Variants in ANO4 observed in about 807,000 individuals in gnomAD.
The protein encoded by ANO4 is anoctamin-4.
In ANO4, 69 loss-of-function variants were observed where a neutral mutation model predicts 141.9. The ratio of observed to expected loss-of-function variants is 0.49; its 90% CI spans 0.40 to 0.59. The LOEUF is 0.59. Ranked by LOEUF, ANO4 falls within the 20% of genes least tolerant of loss-of-function variation. The pLI is 0.00. For missense variants in ANO4, 894 were observed against 1,162.2 expected (o/e 0.77, Z 3.36); for synonymous variants, 350 against 394.3 (o/e 0.89, Z 1.33).
intron 1 of ANO4, among the ~76,000 whole-genome samples, chr12:100,812,693 A>T (rs60189458): frequency 0.016 from 2,416 of 152,292 alleles, 65 homozygotes; most frequent in African/African-American, 0.054. Flanking sequence ...GGGGGTAAAG[A>T]TAAACCATTT....
rs35462149 is a variant in ANO4 at position 100,801,093 on chromosome 12, G to GTCTCTCTCTCTCTC, written c.-141+6085_-141+6098dup. Among the ~76,000 whole-genome samples, 401 of 147,238 alleles carry GTCTCTCTCTCTCTC rather than the reference G, an allele frequency of 2.7e-3. 2 individuals carry two copies. The highest frequency in any genetic ancestry group is 9.7e-3 in the African/African-American group (386 of 39,764). ...GACCTTACAGACTGTTTGTCTACTT[G>GTCTCTCTCTCTCTC]TCTCTCTCTCTCTCTCTCTCTCTCT... On this transcript the variant is annotated intron_variant, in intron 1 of 27. Coordinates refer to ENST00000392977, the MANE Select transcript of ANO4 (RefSeq NM_001286615.2).
chr12:100,979,879 C>T (rs1207829935), intron 7 of ANO4, among the ~76,000 whole-genome samples: 18 of 151,078 alleles, frequency 1.2e-4, no homozygotes, highest in African/African-American at 4.4e-4. Flanking sequence ...AGGCGCCCAC[C>T]ACCACGCCCA....
chr12:100,853,251 C>T (rs1007837172), intron 1 of ANO4, among the ~76,000 whole-genome samples: 3 of 152,116 alleles, frequency 2.0e-5, no homozygotes, highest in Non-Finnish European at 4.4e-5. Context: ...CTTGCCTTTT[C>T]AAAGCTCTCT....
At chr12:101,026,267 A>G (rs2046731033) in intron 9 of ANO4, among the ~76,000 whole-genome samples, 1 of 152,240 alleles carries the variant, frequency 6.6e-6, no homozygotes, top group Non-Finnish European at 1.5e-5. Flanking sequence ...AAACCAAATC[A>G]CTTATAATTA....
chr12:100,882,829 A>G (rs1438043061), intron 1 of ANO4, among the ~76,000 whole-genome samples: 1 of 151,890 alleles, frequency 6.6e-6, no homozygotes, highest in African/African-American at 2.4e-5. Context: ...CCTCCTGAGT[A>G]GCTAGGATTA....
At chr12:100,758,282 G>A (rs2032701963) in intron 3 of ANO4, among the ~76,000 whole-genome samples, 1 of 152,210 alleles carries the variant, frequency 6.6e-6, no homozygotes, top group South Asian at 2.1e-4. Flanking sequence ...TGCAGATGGT[G>A]GCCTTGGTGT....
intron 5 of ANO4, among the ~76,000 whole-genome samples, chr12:100,948,204 G>A (rs2042819263): frequency 6.8e-6 from 1 of 147,140 alleles, no homozygotes; most frequent in South Asian, 2.2e-4. Flanking sequence ...GAGAAGACAA[G>A]TAGTGTTATG....
intron 3 of ANO4, among the ~76,000 whole-genome samples, chr12:100,788,036 C>A (rs1185906017): frequency 6.6e-6 from 1 of 152,170 alleles, no homozygotes; most frequent in Non-Finnish European, 1.5e-5. Context: ...TAGAAAATAA[C>A]CTTCATACTT....
At chr12:101,063,772 T>TTTTTTTTTTC (rs2048454872) in intron 14 of ANO4, among the ~76,000 whole-genome samples, 1 of 140,806 alleles carries the variant, frequency 7.1e-6, no homozygotes, top group Non-Finnish European at 1.5e-5. Context: ...TTTTTTTTTT[T>TTTTTTTTTTC]TTTTTTGCCT....
At chr12:100,723,596 C>T (rs551175829) in intron 1 of ANO4, among the ~76,000 whole-genome samples, 10 of 152,222 alleles carry the variant, frequency 6.6e-5, no homozygotes, top group South Asian at 2.1e-4. Context: ...ATAAAATACA[C>T]GGGAAACGTG....
chr12:100,966,580 T>C (rs772418355), intron 5 of ANO4, among the ~76,000 whole-genome samples: 1 of 152,102 alleles, frequency 6.6e-6, no homozygotes, highest in Non-Finnish European at 1.5e-5. Context: ...ACTTCTACCC[T>C]GAGCTCCAGA....
At chr12:100,831,457 A>G (rs1197867937) in intron 1 of ANO4, among the ~76,000 whole-genome samples, 1 of 152,058 alleles carries the variant, frequency 6.6e-6, no homozygotes, top group Non-Finnish European at 1.5e-5. Flanking sequence ...TGTTCCTATT[A>G]TATAACAAGT....
intron 1 of ANO4, among the ~76,000 whole-genome samples, chr12:100,843,874 T>G (rs1215382410): frequency 6.6e-6 from 1 of 152,160 alleles, no homozygotes; most frequent in Admixed American, 6.6e-5. Flanking sequence ...TGAAAGACTG[T>G]TGGAGTTATT....
intron 8 of ANO4, among the ~76,000 whole-genome samples, chr12:100,988,891 A>AG (rs2044899888): frequency 6.8e-6 from 1 of 148,084 alleles, no homozygotes; most frequent in East Asian, 2.0e-4. Flanking sequence ...AAAAAAAAGA[A>AG]AGAAAAACAA....
chr12:100,852,871 C>T (rs573716525), intron 1 of ANO4, among the ~76,000 whole-genome samples: 79 of 152,194 alleles, frequency 5.2e-4, no homozygotes, highest in African/African-American at 1.7e-3. Context: ...CCACTTTGTC[C>T]GTCATGTTGG....
At chr12:100,914,670 T>A (rs1767094091) in intron 2 of ANO4, among the ~76,000 whole-genome samples, 1 of 152,164 alleles carries the variant, frequency 6.6e-6, no homozygotes, top group Admixed American at 6.5e-5. Context: ...CCAGTAGCAT[T>A]TCCTACATGT....
chr12:100,806,991 AC>A (rs1226913277), intron 1 of ANO4, among the ~76,000 whole-genome samples: 11 of 152,062 alleles, frequency 7.2e-5, no homozygotes, highest in Non-Finnish European at 1.3e-4. Flanking sequence ...TTTCTTTTGT[AC>A]TTTCTGGGTT....
chr12:100,952,825 T>A (rs527933396), intron 5 of ANO4, among the ~76,000 whole-genome samples: 13 of 152,186 alleles, frequency 8.5e-5, no homozygotes, highest in Non-Finnish European at 1.5e-4. Flanking sequence ...CTTATTTAGG[T>A]AGACAAAGTT....
chr12:100,739,412 G>A (rs1325845205), intron 2 of ANO4, among the ~76,000 whole-genome samples: 1 of 152,078 alleles, frequency 6.6e-6, no homozygotes, highest in Non-Finnish European at 1.5e-5. Context: ...AGATTTTGGA[G>A]TCAAATCTGT....
Sources: allele counts gnomAD v4.1 joint callset (sites outside exome capture counted in the v4.1 genomes callset), GRCh38; gene constraint gnomAD v4.1.1; transcripts MANE v1.5; gene names NCBI Gene and HGNC (gene_info 2026-07-23, HGNC 2026-07-21).